Variants in CCDC60 observed in about 807,000 individuals in gnomAD.
CCDC60 encodes coiled-coil domain-containing protein 60.
In CCDC60, 54 loss-of-function variants were observed where a neutral mutation model predicts 63.5. The observed-to-expected ratio is 0.85, with a 90% CI of 0.68 to 1.07. The LOEUF is 1.07. CCDC60 is among the 50% of genes least tolerant of loss of function. The pLI is 0.00. For synonymous variants in CCDC60, 206 were observed against 238.8 expected, an observed-to-expected ratio of 0.86 and a Z score of 1.27; for missense variants, 651 against 684.3, an observed-to-expected ratio of 0.95 and a Z score of 0.54.
rs138417744 is a variant in CCDC60 at position 119,510,550 on chromosome 12, C to G, written c.883+5247C>G. ...TAACTTAAAATGCATCTCACTGTAT[C>G]CAGTAGGCCCTTCTCATGGCTCAGT... On this transcript the variant is annotated intron_variant, in intron 7 of 13. Coordinates refer to ENST00000327554, the MANE Select transcript of CCDC60 (RefSeq NM_178499.5). Among the ~76,000 whole-genome samples, 506 of 152,198 alleles carry G rather than the reference C, an allele frequency of 3.3e-3. 2 individuals carry two copies. Among genetic ancestry groups the G allele is most frequent in the African/African-American group, 0.012 (488 of 41,526 alleles).
chr12:119,473,819 T>C (rs1951117492), intron 3 of CCDC60, among the ~76,000 whole-genome samples: 1 of 152,220 alleles, frequency 6.6e-6, no homozygotes, highest in South Asian at 2.1e-4. Context: ...TATTCCATGG[T>C]GTATATATAT....
chr12:119,384,592 G>T (rs1956041265), intron 1 of CCDC60, among the ~76,000 whole-genome samples: 1 of 152,204 alleles, frequency 6.6e-6, no homozygotes, highest in South Asian at 2.1e-4. Context: ...GCCATTCCCT[G>T]CGAGCTCCGG....
At chr12:119,510,091 G>C (rs987333171) in intron 7 of CCDC60, among the ~76,000 whole-genome samples, 2 of 152,114 alleles carry the variant, frequency 1.3e-5, no homozygotes, top group Admixed American at 6.5e-5. Flanking sequence ...CTCCTAACTA[G>C]TTTCCCTGCT....
chr12:119,476,560 G>A (rs1404474914), intron 3 of CCDC60, among the ~76,000 whole-genome samples: 1 of 152,112 alleles, frequency 6.6e-6, no homozygotes, highest in Non-Finnish European at 1.5e-5. Flanking sequence ...GTGTGTCCCA[G>A]CATCATCTCC....
chr12:119,479,131 A>G lies in CCDC60; in HGVS notation c.379A>G (p.Arg127Gly), dbSNP rs1485902297. 2 of 1,614,026 alleles carry G rather than the reference A, an allele frequency of 1.2e-6. No individual in the cohort carries two copies. Among genetic ancestry groups the G allele is most frequent in the Non-Finnish European group, 1.7e-6 (2 of 1,179,960 alleles). The change falls in exon 4 of 14, where the codon AGA (arginine) becomes GGA (glycine). Residue 127 changes from arginine to glycine, a missense_variant. Physicochemically the swap from Arg to Gly is moderately radical, Grantham distance 125. Coordinates refer to ENST00000327554, the MANE Select transcript of CCDC60 (RefSeq NM_178499.5). ...DDEKLKTLGA[R>G]VTRRPFTPIH... ...TGAGAAGTTGAAGACACTGGGAGCT[A>G]GAGTCACACGTCGCCCATTCACTCC...
chr12:119,519,401 A>G (rs867451983), intron 8 of CCDC60, among the ~76,000 whole-genome samples: 29 of 136,484 alleles, frequency 2.1e-4, no homozygotes, highest in Non-Finnish European at 3.4e-4. Flanking sequence ...AGTGATATAT[A>G]TGTGTGTGTG....
chr12:119,486,161 G>C (rs988537116), intron 4 of CCDC60, among the ~76,000 whole-genome samples: 2 of 152,200 alleles, frequency 1.3e-5, no homozygotes, highest in Non-Finnish European at 2.9e-5. Flanking sequence ...CTAAATGCTG[G>C]ACATGGCCTA....
chr12:119,519,969 A>G (rs1952476981), intron 8 of CCDC60, 152 bp from the exon 9 acceptor site: 2 of 712,460 alleles, frequency 2.8e-6, no homozygotes, highest in African/African-American at 3.6e-5. Flanking sequence ...AGGAATCTGT[A>G]TTCATAGCAA....
At chr12:119,399,096 GA>G (rs1956339831) in intron 1 of CCDC60, among the ~76,000 whole-genome samples, 1 of 152,058 alleles carries the variant, frequency 6.6e-6, no homozygotes, top group Non-Finnish European at 1.5e-5. Flanking sequence ...AAACTATGGA[GA>G]AAAAAAATAT....
intron 1 of CCDC60, among the ~76,000 whole-genome samples, chr12:119,415,467 T>G (rs7301599): frequency 0.54 from 82,757 of 152,040 alleles, 22,907 homozygotes; most frequent in South Asian, 0.64. Flanking sequence ...GTAGTTCCCA[T>G]CAAGGATTTT....
intron 4 of CCDC60, among the ~76,000 whole-genome samples, chr12:119,485,865 C>T (rs1178750945): frequency 6.6e-6 from 1 of 152,122 alleles, no homozygotes; most frequent in Non-Finnish European, 1.5e-5. Flanking sequence ...GGTTTGCATC[C>T]GTTGTTGTCA....
At chr12:119,441,553 C>T (rs1950446217) in intron 2 of CCDC60, among the ~76,000 whole-genome samples, 1 of 152,204 alleles carries the variant, frequency 6.6e-6, no homozygotes, top group Non-Finnish European at 1.5e-5. Context: ...CCCTTCCAGT[C>T]TCTAACACCC....
Position 119,528,658 on chromosome 12 carries a change from C to G in CCDC60, c.1273C>G (p.Leu425Val). Residue 425 changes from leucine to valine, a missense_variant, in exon 12 of 14, where the codon CTT becomes GTT. Transcript: ENST00000327554. ...TATCCAGAAGTTCCGTGCTTTTGTCCTTGTCTCAAATTTTCAAAAGGACAT... is the reference window on the plus strand; with the variant it reads ...TATCCAGAAGTTCCGTGCTTTTGTCGTTGTCTCAAATTTTCAAAAGGACAT... ...RGIQKFRAFV[L>V]VSNFQKDIAK... 2.5e-6 allele frequency: 4 copies of G among 1,613,958 alleles called. No homozygotes were observed. The highest frequency in any genetic ancestry group is 2.5e-6 in the Non-Finnish European group (3 of 1,179,922).
intron 2 of CCDC60, among the ~76,000 whole-genome samples, chr12:119,470,062 C>G (rs935351451): frequency 3.9e-5 from 6 of 152,210 alleles, no homozygotes; most frequent in African/African-American, 1.4e-4. Flanking sequence ...TCTAGCCACT[C>G]TTCTGTGCTC....
chr12:119,470,233 C>T (rs1691129590), intron 2 of CCDC60, among the ~76,000 whole-genome samples: 3 of 152,198 alleles, frequency 2.0e-5, no homozygotes, highest in Admixed American at 2.0e-4. Context: ...GAAAGCCTTC[C>T]AAGATTTCTC....
chr12:119,421,378 C>T (rs981531389), intron 1 of CCDC60, among the ~76,000 whole-genome samples: 2 of 152,052 alleles, frequency 1.3e-5, no homozygotes, highest in Admixed American at 6.5e-5. Context: ...TCAGGTAGTT[C>T]CCACTATGCA....
At chr12:119,444,714 C>T (rs1016925126) in intron 2 of CCDC60, among the ~76,000 whole-genome samples, 1 of 152,212 alleles carries the variant, frequency 6.6e-6, no homozygotes, top group African/African-American at 2.4e-5. Context: ...TCTCTGACAT[C>T]TCGCTGATCC....
chr12:119,339,782 G>A (rs946054998), intron 1 of CCDC60, among the ~76,000 whole-genome samples: 7 of 152,128 alleles, frequency 4.6e-5, no homozygotes, highest in African/African-American at 7.2e-5. Flanking sequence ...TACTCCAGCC[G>A]GGGTGACAGA....
intron 2 of CCDC60, among the ~76,000 whole-genome samples, chr12:119,430,041 T>G (rs144491390): frequency 9.9e-5 from 15 of 152,246 alleles, no homozygotes; most frequent in African/African-American, 1.4e-4. Context: ...TGAAAAGTAA[T>G]GAAGGGATGA....
Sources: gnomAD v4.1 joint callset for allele counts (sites outside exome capture counted in the v4.1 genomes callset) on GRCh38, gnomAD v4.1.1 for gene constraint, MANE v1.5 for transcripts, NCBI Gene and HGNC (gene_info 2026-07-23, HGNC 2026-07-21) for gene names.